Variants in INPP4B observed in about 807,000 individuals in gnomAD.
INPP4B encodes the protein inositol polyphosphate 4-phosphatase type II.
A neutral mutation model predicts 122.5 loss-of-function variants in INPP4B; 55 were observed. That is an observed-to-expected ratio of 0.45 (90% CI 0.36 to 0.56). The LOEUF is 0.56. Ranked by LOEUF, INPP4B falls within the 20% of genes least tolerant of loss-of-function variation. The pLI, the probability that INPP4B is intolerant of heterozygous loss-of-function variation, is 0.00. For synonymous variants in INPP4B, 403 were observed against 388.7 expected (o/e 1.04, Z -0.43); for missense variants, 1,000 against 1,097.7 (o/e 0.91, Z 1.26).
At chr4:142,348,697 T>G (rs1052809141) in intron 7 of INPP4B, among the ~76,000 whole-genome samples, 1 of 152,064 alleles carries the variant, frequency 6.6e-6, no homozygotes, top group Non-Finnish European at 1.5e-5. Flanking sequence ...CAGGCTCAAC[T>G]CAGAGCAATG....
intron 3 of INPP4B, among the ~76,000 whole-genome samples, chr4:142,437,679 A>G (rs758364197): frequency 4.1e-4 from 62 of 152,176 alleles, no homozygotes; most frequent in Non-Finnish European, 7.8e-4. Context: ...AGCTTAGTTT[A>G]ATGATAAAGG....
At chr4:142,597,393 T>G (rs1239257821) in intron 2 of INPP4B, among the ~76,000 whole-genome samples, 2 of 152,216 alleles carry the variant, frequency 1.3e-5, no homozygotes, top group Non-Finnish European at 2.9e-5. Flanking sequence ...CATTTCATAA[T>G]AAATTGTCTA....
intron 2 of INPP4B, among the ~76,000 whole-genome samples, chr4:142,606,969 TA>T (rs1162900313): frequency 6.6e-6 from 1 of 151,972 alleles, no homozygotes; most frequent in Non-Finnish European, 1.5e-5. Flanking sequence ...ATTAGAAACC[TA>T]AATATACAAA....
At position 142,602,719 on chromosome 4, in the gene INPP4B, T is replaced by G. The variant is rs77694201; in HGVS notation, c.-191+123120A>C. 9.9e-5 allele frequency among the ~76,000 whole-genome samples: 15 copies of G among 152,276 alleles called. No individual in the cohort carries two copies. In the East Asian group the frequency reaches 2.7e-3, roughly 28 times the overall value. ...GATTAAAAAGTCAAAAAATAATAGA[T>G]GCTGGTGACATTGCAAATAAGGAAC... On this transcript the variant is annotated intron_variant, in intron 2 of 25. Coordinates refer to ENST00000262992, the MANE Select transcript of INPP4B (RefSeq NM_001101669.3).
chr4:142,781,748 G>A (rs576308576), intron 1 of INPP4B, among the ~76,000 whole-genome samples: 1 of 152,192 alleles, frequency 6.6e-6, no homozygotes, highest in Admixed American at 6.5e-5. Flanking sequence ...CGTAAGGTGT[G>A]TGCCACTGAT....
At chr4:142,602,761 G>T (rs1187739167) in intron 2 of INPP4B, among the ~76,000 whole-genome samples, 2 of 152,168 alleles carry the variant, frequency 1.3e-5, no homozygotes, top group African/African-American at 4.8e-5. Context: ...GCACGTTGGT[G>T]GGAGTGTAAA....
intron 1 of INPP4B, among the ~76,000 whole-genome samples, chr4:142,746,757 A>G (rs1213848342): frequency 6.6e-6 from 1 of 152,176 alleles, no homozygotes; most frequent in Non-Finnish European, 1.5e-5. Context: ...ACCTGACAAA[A>G]AGCAGCAATG....
intron 3 of INPP4B, among the ~76,000 whole-genome samples, chr4:142,440,143 T>A (rs1811377898): frequency 6.6e-6 from 1 of 152,234 alleles, no homozygotes; most frequent in Non-Finnish European, 1.5e-5. Context: ...AACAAACATT[T>A]ATTAAGAAGT....
At chr4:142,759,783 T>G (rs982661782) in intron 1 of INPP4B, among the ~76,000 whole-genome samples, 6 of 125,560 alleles carry the variant, frequency 4.8e-5, no homozygotes, top group African/African-American at 1.9e-4. Flanking sequence ...GTAATTTGCC[T>G]CTCAACCAGA....
intron 23 of INPP4B, among the ~76,000 whole-genome samples, chr4:142,092,819 G>A (rs78467011): frequency 0.01 from 1,589 of 152,284 alleles, 30 homozygotes; most frequent in African/African-American, 0.037. Flanking sequence ...TGTTGATTTA[G>A]AATGAGGAAA....
At chr4:142,355,830 CAGAT>C (rs1485668243) in intron 7 of INPP4B, among the ~76,000 whole-genome samples, 2 of 151,200 alleles carry the variant, frequency 1.3e-5, no homozygotes, top group Admixed American at 6.6e-5. Flanking sequence ...CTTTGATCCT[CAGAT>C]AGGCCAATAT....
intron 17 of INPP4B, among the ~76,000 whole-genome samples, chr4:142,157,879 T>A (rs534864227): frequency 6.6e-6 from 1 of 152,134 alleles, no homozygotes; most frequent in South Asian, 2.1e-4. Flanking sequence ...TCCCCGTCTT[T>A]TTCTCTTAGC....
chr4:142,220,991 G>A (rs1372011606), intron 12 of INPP4B, among the ~76,000 whole-genome samples: 1 of 152,074 alleles, frequency 6.6e-6, no homozygotes, highest in Non-Finnish European at 1.5e-5. Context: ...GTCACATTCT[G>A]TAGTACTGGG....
At chr4:142,177,596 A>G (rs1828905489) in intron 15 of INPP4B, among the ~76,000 whole-genome samples, 1 of 152,008 alleles carries the variant, frequency 6.6e-6, no homozygotes, top group Non-Finnish European at 1.5e-5. Flanking sequence ...GTTTCATAAT[A>G]TTTTTCTATT....
intron 25 of INPP4B, among the ~76,000 whole-genome samples, chr4:142,078,674 C>A: frequency 6.6e-6 from 1 of 151,876 alleles, no homozygotes; most frequent in Non-Finnish European, 1.5e-5. Flanking sequence ...TAATTTGAAA[C>A]TGCTACAGAG....
chr4:142,602,037 A>G (rs1444515659), intron 2 of INPP4B, among the ~76,000 whole-genome samples: 1 of 151,940 alleles, frequency 6.6e-6, no homozygotes, highest in African/African-American at 2.4e-5. Context: ...GAACTAAATA[A>G]AACAGAGATT....
At chr4:142,781,426 C>G (rs1030042764) in intron 1 of INPP4B, among the ~76,000 whole-genome samples, 2 of 152,190 alleles carry the variant, frequency 1.3e-5, no homozygotes, top group African/African-American at 4.8e-5. Context: ...GAGGGAACAG[C>G]TTTCAGTCAC....
intron 2 of INPP4B, among the ~76,000 whole-genome samples, chr4:142,711,294 G>A (rs1763086976): frequency 6.6e-6 from 1 of 152,054 alleles, no homozygotes; most frequent in African/African-American, 2.4e-5. Flanking sequence ...AACGTACTCT[G>A]ACCCCCTTTC....
chr4:142,217,919 C>T (rs1847978940), intron 12 of INPP4B, among the ~76,000 whole-genome samples: 3 of 152,176 alleles, frequency 2.0e-5, no homozygotes, highest in Admixed American at 2.0e-4. Context: ...CTCAGACTGA[C>T]ACACTCGACT....
Sources: gnomAD v4.1 joint callset for allele counts (sites outside exome capture counted in the v4.1 genomes callset) on GRCh38, gnomAD v4.1.1 for gene constraint, MANE v1.5 for transcripts, NCBI Gene and HGNC (gene_info 2026-07-23, HGNC 2026-07-21) for gene names.